The following PLA2G2A variants were observed in gnomAD, a reference collection of about 807,000 sequenced individuals.
PLA2G2A encodes phospholipase A2 group IIA.
PLA2G2A carries 6 observed loss-of-function variants against 11.2 expected under a neutral mutation model. That is an observed-to-expected ratio of 0.54 (90% confidence interval 0.29 to 1.06). The LOEUF (loss-of-function observed/expected upper bound fraction) is 1.06. PLA2G2A is among the 50% of genes least tolerant of loss of function. The pLI, the probability that PLA2G2A is intolerant of heterozygous loss-of-function variation, is 0.08. For synonymous variants in PLA2G2A, 69 were observed against 65.8 expected (o/e 1.05, Z -0.23); for missense variants, 133 against 177.1 (o/e 0.75, Z 1.41).
At chr1:19,977,777 G>A (rs1480579763) in intron 4 of PLA2G2A, among the ~76,000 whole-genome samples, 1 of 152,164 alleles carries the variant, frequency 6.6e-6, no homozygotes, top group Non-Finnish European at 1.5e-5. Context: ...CTCAGCTTAG[G>A]GGTCACCCCT....
chr1:19,978,306 C>T (rs1014969918), intron 3 of PLA2G2A, 74 bp downstream of exon 3: 79 of 1,555,244 alleles, frequency 5.1e-5, no homozygotes, highest in African/African-American at 9.5e-5. Flanking sequence ...CATCAGGAAC[C>T]GGCACTGTCT....
chr1:19,979,801 C>G (rs557214896), upstream of PLA2G2A: 91 of 152,330 alleles, frequency 6.0e-4, 1 homozygote, highest in Middle Eastern at 3.4e-3. Flanking sequence ...GATTGGGAAA[C>G]CTTACGTGTC....
At chr1:19,977,900 G>A (rs986262983) in intron 4 of PLA2G2A, 115 bp downstream of exon 4, 10 of 760,226 alleles carry the variant, frequency 1.3e-5, no homozygotes, top group South Asian at 7.1e-5. Flanking sequence ...CCACTCAACC[G>A]TGAGCTTCCT....
chr1:19,978,490 G>A (rs756423670), exon 3 of PLA2G2A: 1 of 1,613,832 alleles, frequency 6.2e-7, no homozygotes, highest in Non-Finnish European at 8.5e-7. Context: ...TCATTCTGTG[G>A]AAATTCACCA....
chr1:19,980,177 G>A (rs941644102), upstream of PLA2G2A, among the ~76,000 whole-genome samples: 1 of 152,208 alleles, frequency 6.6e-6, no homozygotes, highest in African/African-American at 2.4e-5. Flanking sequence ...ACCAGGGAGA[G>A]AGTTTAATGG....
chr1:19,978,589 C>T (rs1268766825), intron 2 of PLA2G2A, 65 bp from the exon 3 acceptor site: 3 of 1,605,864 alleles, frequency 1.9e-6, no homozygotes. Context: ...CCTCTCTGCC[C>T]CTCTCTGCTA....
chr1:19,975,711 G>A, exon 5 of PLA2G2A: 3 of 1,613,814 alleles, frequency 1.9e-6, no homozygotes, highest in Non-Finnish European at 2.5e-6. Context: ...TCAGCAACGA[G>A]GGGTGCTCCC....
chr1:19,980,174 A>G (rs11573151), upstream of PLA2G2A, among the ~76,000 whole-genome samples: 567 of 152,278 alleles, frequency 3.7e-3, 2 homozygotes, highest in African/African-American at 0.013. Flanking sequence ...TCCACCAGGG[A>G]GAGAGTTTAA....
intron 1 of PLA2G2A, among the ~76,000 whole-genome samples, chr1:19,979,281 CA>C (rs993852314): frequency 6.6e-6 from 1 of 152,142 alleles, no homozygotes; most frequent in African/African-American, 2.4e-5. Flanking sequence ...TATTTTCCTC[CA>C]GAATGAAAGC....
In PLA2G2A at chr1:19,978,623, C is replaced by T. The variant is rs2046259010; in HGVS notation, c.41-99G>A. The T allele has an allele frequency of 3.1e-6, 5 of 1,599,322 alleles. No homozygotes were observed. The South Asian group carries it at 4.4e-5, about 14-fold the overall frequency. Reference sequence around the variant, plus strand: ...TACTCTCCTTCCTCCCAAATGGCTTCTTTTTTCCCCCTGAGAGAGGATCAC... The same window carrying T: ...TACTCTCCTTCCTCCCAAATGGCTTTTTTTTTCCCCCTGAGAGAGGATCAC... On this transcript the variant is annotated intron_variant, in intron 2 of 4. Transcript: ENST00000482011.
exon 3 of PLA2G2A, chr1:19,978,513 C>A (rs779631054): frequency 6.2e-7 from 1 of 1,613,650 alleles, no homozygotes; most frequent in Non-Finnish European, 8.5e-7. Context: ...TTCCCATGGG[C>A]CTGCAGTAGG....
intron 1 of PLA2G2A, 93 bp from the exon 2 acceptor site, chr1:19,978,972 T>TGC (rs1181928020): frequency 9.1e-6 from 4 of 439,270 alleles, no homozygotes; most frequent in Admixed American, 4.0e-5. Flanking sequence ...CCTCCAGCAA[T>TGC]GCACACACAC....
chr1:19,979,313 C>A (rs1344599542), intron 1 of PLA2G2A, among the ~76,000 whole-genome samples: 1 of 152,184 alleles, frequency 6.6e-6, no homozygotes, highest in East Asian at 1.9e-4. Context: ...CTCTTCTAGG[C>A]CTTCTAACCC....
At chr1:19,977,291 C>T (rs1036695084) in intron 4 of PLA2G2A, among the ~76,000 whole-genome samples, 1 of 152,188 alleles carries the variant, frequency 6.6e-6, no homozygotes, top group Non-Finnish European at 1.5e-5. Flanking sequence ...ATCCATCCAA[C>T]AACTCCCTCT....
chr1:19,979,394 C>T (rs3753827), intron 1 of PLA2G2A, among the ~76,000 whole-genome samples, 186 bp downstream of exon 1: 1 of 151,956 alleles, frequency 6.6e-6, no homozygotes, highest in Admixed American at 6.5e-5. Flanking sequence ...CACTCTCGTA[C>T]TTACCTGATA....
intron 2 of PLA2G2A, 34 bp downstream of exon 2, chr1:19,978,700 C>G: frequency 1.2e-6 from 2 of 1,609,002 alleles, no homozygotes; most frequent in Non-Finnish European, 1.7e-6. Flanking sequence ...CTGGGGCTGT[C>G]CCCCCATGCT....
upstream of PLA2G2A, chr1:19,979,752 C>T (rs1239584659): frequency 6.6e-6 from 1 of 152,356 alleles, no homozygotes; most frequent in Non-Finnish European, 1.5e-5. Flanking sequence ...CTAGGTAATC[C>T]CTTTCCTTCC....
At position 19,978,417 on chromosome 1, in the gene PLA2G2A, C is replaced by T. The variant is rs142941380; in HGVS notation, c.148G>A (p.Val50Met). The T allele has an allele frequency of 1.4e-5, 22 of 1,613,470 alleles. No individual in the cohort carries two copies. The Admixed American group carries it at 1.7e-4, about 12-fold the overall frequency. The change falls in exon 3 of 5, where the codon GTG becomes ATG. Residue 50 changes from valine to methionine, a missense_variant. Val to Met is a conservative substitution (Grantham distance 21). Transcript: ENST00000482011. ...TCCTTGGGGGATCCTCTGCCACCCA[C>T]GCCACAGTGGCAGCCGTAGAAGCCA...
chr1:19,978,766 G>A, exon 2 of PLA2G2A: 1 of 1,614,130 alleles, frequency 6.2e-7, no homozygotes, highest in Non-Finnish European at 8.5e-7. Context: ...CAGTAGGAGG[G>A]TCTTCATGGT....
Sources: allele counts gnomAD v4.1 joint callset (sites outside exome capture counted in the v4.1 genomes callset), GRCh38; gene constraint gnomAD v4.1.1; transcripts MANE v1.5; gene names NCBI Gene and HGNC (gene_info 2026-07-23, HGNC 2026-07-21).